Variants in TMEM59 observed in about 807,000 individuals in gnomAD.
TMEM59 encodes the protein dendritic cell factor 1.
TMEM59 carries 44 observed loss-of-function variants against 42.2 expected under a neutral mutation model. The observed-to-expected ratio is 1.04, with a 90% confidence interval of 0.82 to 1.34. The LOEUF (loss-of-function observed/expected upper bound fraction) is 1.34, where lower values mean the gene tolerates loss of function less well. Among genes scored for constraint, TMEM59 ranks in the 40% most tolerant of loss-of-function variants. The pLI, the probability that TMEM59 is intolerant of heterozygous loss-of-function variation, is 0.00. For synonymous variants in TMEM59, 148 were observed against 145.8 expected, an observed-to-expected ratio of 1.02 and a Z score of -0.11; for missense variants, 359 against 382.8, an observed-to-expected ratio of 0.94 and a Z score of 0.52.
Position 54,029,319 on chromosome 1 carries a change from T to C in TMEM59, c.*2831A>G, listed in dbSNP as rs375780562. ...TTGGAACCTAGGCCCAGATCATTCA[T>C]TATGGTGATTAGTACTGCTTTTGTA... On this transcript the variant is annotated 3_prime_UTR_variant, in exon 8 of 8. Transcript: ENST00000234831. 17 of 152,288 alleles carry C rather than the reference T, an allele frequency of 1.1e-4. No individual in the cohort carries two copies. The highest frequency in any genetic ancestry group is 5.8e-4 in the East Asian group (3 of 5,176). 9.4% of individuals were successfully genotyped at this position (152,288 alleles called of 1,614,324 possible).
At position 54,031,346 on chromosome 1, in the gene TMEM59, T is replaced by C. The variant is rs972716291; in HGVS notation, c.*804A>G. ...AAAAATAAAACGAGTTTTTGCCAAG[T>C]AAAATTTATACTTAATTCTGTATCA... On this transcript the variant is annotated 3_prime_UTR_variant, in exon 8 of 8. Coordinates refer to ENST00000234831, the MANE Select transcript of TMEM59 (RefSeq NM_004872.5). The C allele has an allele frequency of 6.6e-6, 1 of 152,240 alleles. No individual in the cohort carries two copies. Among genetic ancestry groups the C allele is most frequent in the African/African-American group, 2.4e-5 (1 of 41,472 alleles). The allele number at this position is 152,240 out of a possible 1,614,324, so 9.4% of individuals were successfully genotyped here. A position where few individuals can be genotyped will look rare whatever the true frequency, so the allele number is the denominator to read the frequency against.
chr1:54,036,083 G>A (rs1201159435), intron 7 of TMEM59, among the ~76,000 whole-genome samples: 1 of 152,118 alleles, frequency 6.6e-6, no homozygotes, highest in African/African-American at 2.4e-5. Context: ...CAGGAGTTCA[G>A]GACCAGACTG....
In TMEM59 at chr1:54,053,080, C is replaced by T; in HGVS notation, c.109G>A (p.Ala37Thr). The T allele has an allele frequency of 6.2e-7, 1 of 1,614,246 alleles. No individual in the cohort carries two copies. ...GTATCACCCAAGACCGAGTCAAATG[C>T]TTCAGCCGAAGCGGTCCCCGAACCT... is the stretch of plus-strand genomic sequence containing the variant. ...AGGSGTASAE[A>T]FDSVLGDTAS... Residue 37 changes from alanine (A) to threonine (T), a missense_variant, in exon 1 of 8, where the codon GCA (alanine) becomes ACA (threonine). Coordinates refer to ENST00000234831, the MANE Select transcript of TMEM59 (RefSeq NM_004872.5).
intron 2 of TMEM59, among the ~76,000 whole-genome samples, chr1:54,047,033 A>G (rs1400286922): frequency 6.6e-6 from 1 of 152,238 alleles, no homozygotes; most frequent in East Asian, 1.9e-4. Flanking sequence ...TTGGTTAAAC[A>G]AAGGTGTCCT....
intron 6 of TMEM59, 49 bp from the exon 7 acceptor site, chr1:54,036,767 C>G: frequency 5.2e-6 from 7 of 1,340,044 alleles, no homozygotes; most frequent in Non-Finnish European, 7.2e-6. Flanking sequence ...TTATAAGAAA[C>G]AGGAAATTCT....
rs773517057 is a variant in TMEM59 at position 54,053,200 on chromosome 1, CT to C, written c.-13del. Reference sequence around the variant, plus strand: ...TTCGGCGCCGCCATCTTGTTCCCCTCTGTCACAGCAGCTCAGCTTGTTGCTG... The same window carrying C: ...TTCGGCGCCGCCATCTTGTTCCCCTCGTCACAGCAGCTCAGCTTGTTGCTG... On this transcript the variant is annotated 5_prime_UTR_variant, in exon 1 of 8. Coordinates refer to ENST00000234831, the MANE Select transcript of TMEM59 (RefSeq NM_004872.5). The C allele has an allele frequency of 1.2e-6, 2 of 1,613,496 alleles. No homozygotes were observed. The highest frequency in any genetic ancestry group is 3.3e-5 in the Admixed American group (2 of 59,946).
In TMEM59 at chr1:54,043,375, G is replaced by T; in HGVS notation, c.541C>A (p.Gln181Lys). ...AATCCATGAAGCTCAGTTGTCACCT[G>T]GAATATAACTATTTTTCCGTCATCG... ...QADDGKIVIF[Q>K]SKPEIQYAPH... Residue 181 changes from glutamine to lysine, a missense_variant and splice_region_variant, in exon 4 of 8, where the codon CAG becomes AAG. Transcript: ENST00000234831. 6.5e-7 allele frequency: 1 copy of T among 1,537,592 alleles called. No homozygotes were observed. Among genetic ancestry groups the T allele is most frequent in the South Asian group, 1.3e-5 (1 of 77,442 alleles).
chr1:54,035,608 G>C (rs529579514), intron 7 of TMEM59, among the ~76,000 whole-genome samples: 6 of 143,682 alleles, frequency 4.2e-5, no homozygotes, highest in Non-Finnish European at 8.9e-5. Context: ...AAACACTCCA[G>C]CATTTTTTTT....
At chr1:54,035,048 A>G (rs1656901177) in intron 7 of TMEM59, among the ~76,000 whole-genome samples, 1 of 152,226 alleles carries the variant, frequency 6.6e-6, no homozygotes, top group Admixed American at 6.5e-5. Flanking sequence ...TTTCAGTTAG[A>G]TGGGAAGAAT....
chr1:54,033,880 G>A (rs548741428), intron 7 of TMEM59: 7 of 152,378 alleles, frequency 4.6e-5, no homozygotes, highest in Admixed American at 3.3e-4. Flanking sequence ...CACTTTGGGA[G>A]GCTGAGGAAG....
chr1:54,040,030 G>A (rs80255594), intron 6 of TMEM59, among the ~76,000 whole-genome samples: 3,900 of 152,170 alleles, frequency 0.026, 115 homozygotes, highest in Middle Eastern at 0.078. Flanking sequence ...ATATTCCTTA[G>A]TATAGAATAC....
intron 7 of TMEM59, among the ~76,000 whole-genome samples, chr1:54,032,933 T>G: frequency 6.6e-6 from 1 of 151,700 alleles, no homozygotes; most frequent in East Asian, 1.9e-4. Flanking sequence ...TCTTTTTTTT[T>G]TTTTTTTAAA....
intron 6 of TMEM59, among the ~76,000 whole-genome samples, chr1:54,038,958 C>T (rs1324222397): frequency 2.0e-5 from 3 of 152,208 alleles, no homozygotes; most frequent in Admixed American, 1.3e-4. Flanking sequence ...GATTCTCCCA[C>T]CTCAGCCTCT....
At chr1:54,045,645 C>T in intron 3 of TMEM59, 47 bp downstream of exon 3, 2 of 1,556,378 alleles carry the variant, frequency 1.3e-6, no homozygotes, top group Non-Finnish European at 1.8e-6. Flanking sequence ...CAATACAAGT[C>T]AGTGCCATCT....
Position 54,041,784 on chromosome 1 carries a change from C to T in TMEM59, c.565G>A (p.Ala189Thr), listed in dbSNP as rs373259768. 21 of 1,612,876 alleles carry T rather than the reference C, an allele frequency of 1.3e-5. No individual in the cohort carries two copies. Among genetic ancestry groups the T allele is most frequent in the African/African-American group, 6.7e-5 (5 of 74,858 alleles). Residue 189 changes from alanine to threonine, a missense_variant, in exon 5 of 8, where the codon GCA becomes ACA. Ala to Thr is a moderately conservative substitution (Grantham distance 58). Transcript: ENST00000234831. ...GTAGGCTCCTGCTCCAAATGTGGTG[C>T]GTACTGGATTTCTGGCTTAGACTAA... ...IFQSKPEIQYAPHLEQEPTNL... is the reference protein window; with the variant it reads ...IFQSKPEIQYTPHLEQEPTNL...
chr1:54,051,512 G>C (rs1287014772), intron 1 of TMEM59, among the ~76,000 whole-genome samples: 1 of 152,166 alleles, frequency 6.6e-6, no homozygotes, highest in Non-Finnish European at 1.5e-5. Context: ...CATTATTAAA[G>C]TACCTACAAC....
Position 54,040,856 on chromosome 1 carries a change from TGA to T in TMEM59, c.626-21_626-20del. The T allele has an allele frequency of 6.2e-7, 1 of 1,603,980 alleles. No individual in the cohort carries two copies. Among genetic ancestry groups the T allele is most frequent in the Non-Finnish European group, 8.5e-7 (1 of 1,171,120 alleles). On this transcript the variant is annotated intron_variant, in intron 5 of 7. Coordinates refer to ENST00000234831, the MANE Select transcript of TMEM59 (RefSeq NM_004872.5). ...TGCAGATCTGCTGAAATAGTAAGTA[TGA>T]GTTTATTATATCCTATATTCCAAAA...
chr1:54,037,455 G>C (rs924603897), intron 6 of TMEM59, among the ~76,000 whole-genome samples: 4 of 152,102 alleles, frequency 2.6e-5, no homozygotes, highest in African/African-American at 9.7e-5. Flanking sequence ...TGAACTCATG[G>C]GCGCAAGCCA....
At chr1:54,049,339 T>C (rs548555873) in intron 1 of TMEM59, among the ~76,000 whole-genome samples, 1 of 152,342 alleles carries the variant, frequency 6.6e-6, no homozygotes, top group East Asian at 1.9e-4. Context: ...GAGAATTATA[T>C]ATTTATATCT....
Sources: gnomAD v4.1 joint callset for allele counts (sites outside exome capture counted in the v4.1 genomes callset) on GRCh38, gnomAD v4.1.1 for gene constraint, MANE v1.5 for transcripts, NCBI Gene and HGNC (gene_info 2026-07-23, HGNC 2026-07-21) for gene names.